The following RPS6KA2 variants were observed in gnomAD, a reference collection of about 807,000 sequenced individuals.
The protein encoded by RPS6KA2 is ribosomal protein S6 kinase alpha-2.
RPS6KA2 carries 42 observed loss-of-function variants against 91.8 expected under a neutral mutation model. That is an observed-to-expected ratio of 0.46 (90% confidence interval 0.36 to 0.59). RPS6KA2 has a LOEUF of 0.59. Ranked by LOEUF, RPS6KA2 falls within the 20% of genes least tolerant of loss-of-function variation. RPS6KA2 has a pLI of 0.00. For missense variants in RPS6KA2, 798 were observed against 978.5 expected (o/e 0.82, Z 2.46); for synonymous variants, 414 against 393.6 (o/e 1.05, Z -0.61).
chr6:166,663,703 G>A (rs942885058), intron 2 of RPS6KA2, among the ~76,000 whole-genome samples: 6 of 152,156 alleles, frequency 3.9e-5, no homozygotes, highest in African/African-American at 7.2e-5. Flanking sequence ...ACCCTATCCC[G>A]GAAGGGCCTT....
intron 2 of RPS6KA2, among the ~76,000 whole-genome samples, chr6:166,722,451 G>A (rs1418657980): frequency 3.3e-5 from 5 of 152,250 alleles, no homozygotes; most frequent in African/African-American, 1.2e-4. Flanking sequence ...TCTTTCGGTT[G>A]TGAGGACAGT....
At chr6:166,823,995 A>G (rs1779970854) in intron 2 of RPS6KA2, among the ~76,000 whole-genome samples, 1 of 152,198 alleles carries the variant, frequency 6.6e-6, no homozygotes, top group African/African-American at 2.4e-5. Flanking sequence ...TATGCTCTCC[A>G]TGTGAATTCC....
chr6:166,790,485 A>G (rs1779055025), intron 2 of RPS6KA2, among the ~76,000 whole-genome samples: 1 of 152,308 alleles, frequency 6.6e-6, no homozygotes, highest in African/African-American at 2.4e-5. Context: ...AAGGCAGGCC[A>G]ACATTCAGAT....
At chr6:166,573,211 T>A (rs952412409) in intron 1 of RPS6KA2, among the ~76,000 whole-genome samples, 2 of 152,112 alleles carry the variant, frequency 1.3e-5, no homozygotes, top group African/African-American at 4.8e-5. Context: ...CAAATCCAGC[T>A]CCTCTGCCCT....
At chr6:166,681,199 C>A (rs1788797492) in intron 2 of RPS6KA2, among the ~76,000 whole-genome samples, 1 of 152,222 alleles carries the variant, frequency 6.6e-6, no homozygotes, top group African/African-American at 2.4e-5. Flanking sequence ...TGTACCAAAA[C>A]TGCAGGTTAC....
chr6:166,410,922 C>T lies in RPS6KA2; in HGVS notation c.*1840G>A, dbSNP rs556965963. On this transcript the variant is annotated 3_prime_UTR_variant, in exon 21 of 21. Transcript: ENST00000265678. ...GTGACCTCAGGATTATCCACTTCTTCCTAAGTTTCTAAAAAGAAGTGAAAT... is the reference window on the plus strand; with the variant it reads ...GTGACCTCAGGATTATCCACTTCTTTCTAAGTTTCTAAAAAGAAGTGAAAT... The T allele has an allele frequency of 1.2e-4, 19 of 152,112 alleles. No individual in the cohort carries two copies. Among genetic ancestry groups the T allele is most frequent in the African/African-American group, 4.3e-4 (18 of 41,506 alleles). The allele number at this position is 152,112 out of a possible 1,614,324, so 9.4% of individuals were successfully genotyped here.
chr6:166,488,366 C>G (rs1054920375), intron 10 of RPS6KA2, among the ~76,000 whole-genome samples: 1 of 152,200 alleles, frequency 6.6e-6, no homozygotes, highest in Non-Finnish European at 1.5e-5. Flanking sequence ...TCGCTAAGAC[C>G]GGCCCAGCCC....
At chr6:166,803,453 C>T (rs845662) in intron 2 of RPS6KA2, among the ~76,000 whole-genome samples, 91,379 of 152,062 alleles carry the variant, frequency 0.6, 27,696 homozygotes, top group Non-Finnish European at 0.63. Context: ...GGCCCTCATG[C>T]CCGGCTCACA....
At position 166,733,243 on chromosome 6, in the gene RPS6KA2, G is replaced by A. The variant is rs1197985476; in HGVS notation, c.123+124957C>T. On this transcript the variant is annotated intron_variant, in intron 2 of 21. Transcript: ENST00000503859. The surrounding 1 kb of genome is among the most constrained non-coding windows in gnomAD (Gnocchi z 4.1). ...AAAGCCTAATAGCCTTAGGCTGCAA[G>A]AGTCCTGTGGACGGCACTGTTCCCA... Among the ~76,000 whole-genome samples, 1 of 152,200 alleles carries A rather than the reference G, an allele frequency of 6.6e-6. No individual in the cohort carries two copies. Among genetic ancestry groups the A allele is most frequent in the Non-Finnish European group, 1.5e-5 (1 of 68,040 alleles).
Position 166,500,771 on chromosome 6 carries a change from A to G in RPS6KA2, c.604+116T>C. The G allele has an allele frequency of 1.1e-6, 1 of 930,242 alleles. No homozygotes were observed. Among genetic ancestry groups the G allele is most frequent in the South Asian group, 1.4e-5 (1 of 70,228 alleles). The allele number at this position is 930,242 out of a possible 1,614,324, so 57.6% of individuals were successfully genotyped here. On this transcript the variant is annotated intron_variant, in intron 7 of 20. Transcript: ENST00000265678. This position sits in a 1 kb window ranked among gnomAD's most constrained non-coding sequence, Gnocchi z 4.3. The stretch of plus-strand genomic sequence containing the variant: ...TAGAAAATTCTGCCAAATCAGAGAC[A>G]AGCATCTGGCAAAGGGAAGGGCGGT...
chr6:166,625,331 ACCC>A (rs10583661), intron 1 of RPS6KA2, among the ~76,000 whole-genome samples: 28 of 52,600 alleles, frequency 5.3e-4, no homozygotes, highest in Admixed American at 3.1e-3. Flanking sequence ...CCACCCCCCC[ACCC>A]CCCCCCCCGC....
chr6:166,609,884 A>G (rs1786104661), intron 1 of RPS6KA2, among the ~76,000 whole-genome samples: 1 of 152,322 alleles, frequency 6.6e-6, no homozygotes, highest in South Asian at 2.1e-4. Flanking sequence ...AAATTTACAA[A>G]CTGGAATACT....
intron 2 of RPS6KA2, among the ~76,000 whole-genome samples, chr6:166,839,089 G>A (rs115821753): frequency 0.023 from 3,530 of 152,286 alleles, 153 homozygotes; most frequent in African/African-American, 0.081. Context: ...GTGCCCTCCA[G>A]AACCGTTAGA....
intron 2 of RPS6KA2, among the ~76,000 whole-genome samples, chr6:166,786,737 AATT>A (rs796175105): frequency 2.6e-4 from 40 of 152,356 alleles, no homozygotes; most frequent in African/African-American, 9.6e-4. Context: ...AAGAAAACTG[AATT>A]ATGTCATGAT....
chr6:166,577,448 C>T (rs1165857969), intron 1 of RPS6KA2, among the ~76,000 whole-genome samples: 1 of 152,202 alleles, frequency 6.6e-6, no homozygotes, highest in Non-Finnish European at 1.5e-5. Flanking sequence ...CTGCCCAAGA[C>T]CATGGGAACC....
At chr6:166,576,844 T>C (rs1403428348) in intron 1 of RPS6KA2, among the ~76,000 whole-genome samples, 1 of 151,976 alleles carries the variant, frequency 6.6e-6, no homozygotes, top group Non-Finnish European at 1.5e-5. Flanking sequence ...ATGGGGAAAA[T>C]GTCTCCAGGG....
At chr6:166,823,434 A>AGTGTGTGTGTGTGTGTGTGT (rs56187218) in intron 2 of RPS6KA2, among the ~76,000 whole-genome samples, 1 of 147,986 alleles carries the variant, frequency 6.8e-6, no homozygotes, top group Non-Finnish European at 1.5e-5. Flanking sequence ...TTGGTTTTGC[A>AGTGTGTGTGTGTGTGTGTGT]GTGTGTGTGT....
At chr6:166,604,865 C>T (rs929378201) in intron 1 of RPS6KA2, among the ~76,000 whole-genome samples, 11 of 152,126 alleles carry the variant, frequency 7.2e-5, no homozygotes, top group African/African-American at 2.2e-4. Context: ...GCCTAAAATA[C>T]GAATGAGACT....
intron 2 of RPS6KA2, among the ~76,000 whole-genome samples, chr6:166,673,939 T>C (rs1390908107): frequency 6.6e-6 from 1 of 152,212 alleles, no homozygotes; most frequent in Non-Finnish European, 1.5e-5. Context: ...CAGATAAATA[T>C]ACATAAAGAG....
Sources: gnomAD v4.1 joint callset for allele counts (sites outside exome capture counted in the v4.1 genomes callset) on GRCh38, gnomAD v4.1.1 for gene constraint, Gnocchi (gnomAD v3.1) non-coding constraint, MANE v1.5 for transcripts, NCBI Gene and HGNC (gene_info 2026-07-23, HGNC 2026-07-21) for gene names.